The following SLC5A10 variants were observed in gnomAD, a reference collection of about 807,000 sequenced individuals.
SLC5A10 encodes the protein solute carrier family 5 member 10.
A neutral mutation model predicts 68.9 loss-of-function variants in SLC5A10; 55 were observed. The ratio of observed to expected loss-of-function variants is 0.80; its 90% CI spans 0.64 to 1.00. SLC5A10 has a LOEUF of 1.00. Among genes scored for constraint, SLC5A10 ranks in the 50% least tolerant of loss-of-function variants. SLC5A10 has a pLI of 0.00. For missense variants in SLC5A10, 732 were observed against 819.3 expected, an observed-to-expected ratio of 0.89 and a Z score of 1.30; for synonymous variants, 344 against 344.8, an observed-to-expected ratio of 1.00 and a Z score of 0.02.
At chr17:19,011,781 G>GGGTA (rs1183821703) in intron 9 of SLC5A10, among the ~76,000 whole-genome samples, 1 of 151,878 alleles carries the variant, frequency 6.6e-6, no homozygotes, top group Non-Finnish European at 1.5e-5. Flanking sequence ...AAGGGTGCCA[G>GGGTA]GGTAGGGGAC....
At chr17:18,997,667 T>C (rs761881792) in intron 9 of SLC5A10, among the ~76,000 whole-genome samples, 12 of 152,206 alleles carry the variant, frequency 7.9e-5, no homozygotes, top group Non-Finnish European at 1.8e-4. Context: ...CTGAGGCTTC[T>C]AGGCCACCTG....
chr17:18,979,336 C>T, intron 9 of SLC5A10: 1 of 636,450 alleles, frequency 1.6e-6, no homozygotes, highest in African/African-American at 1.8e-5. Context: ...AGGCCGGTGA[C>T]ATCTCCAAGC....
intron 5 of SLC5A10, among the ~76,000 whole-genome samples, chr17:18,963,088 A>G (rs1363335081): frequency 6.6e-6 from 1 of 152,200 alleles, no homozygotes; most frequent in African/African-American, 2.4e-5. Flanking sequence ...ATGTGGTGGC[A>G]TGCGCCTGTA....
chr17:19,015,244 G>T lies in SLC5A10; in HGVS notation c.1241+45G>T, dbSNP rs759964969. 3.1e-6 allele frequency: 4 copies of T among 1,279,240 alleles called. No homozygotes were observed. In the Admixed American group the frequency reaches 7.1e-5, roughly 23 times the overall value. The allele number at this position is 1,279,240 out of a possible 1,614,324, so 79.2% of individuals were successfully genotyped here. On this transcript the variant is annotated intron_variant, in intron 11 of 14. Coordinates refer to ENST00000395645, the MANE Select transcript of SLC5A10 (RefSeq NM_001042450.4). The stretch of plus-strand genomic sequence containing the variant: ...TACGGGGGTGGGGGAACACTACAAG[G>T]GTGGGCGCCCGCACTGACTTTGAGG...
chr17:18,956,051 G>A (rs78877563), intron 1 of SLC5A10, among the ~76,000 whole-genome samples: 8 of 152,180 alleles, frequency 5.3e-5, no homozygotes, highest in African/African-American at 1.2e-4. Flanking sequence ...AAAATTAGCC[G>A]GGCATGGTGG....
intron 1 of SLC5A10, among the ~76,000 whole-genome samples, 189 bp from the exon 2 acceptor site, chr17:18,958,493 C>T (rs936195531): frequency 2.0e-5 from 3 of 152,168 alleles, no homozygotes; most frequent in Non-Finnish European, 2.9e-5. Context: ...CTGCTATGAA[C>T]ATTCGTGTAC....
rs1292373913 is a variant in SLC5A10, at chr17:18,976,855, T to A, written c.848T>A (p.Val283Asp). The change falls in exon 9 of 15, where the codon GTC becomes GAC. Residue 283 changes from valine to aspartate, a missense_variant and splice_region_variant. Val to Asp is a radical substitution (Grantham distance 152, BLOSUM62 -3). Transcript: ENST00000395645. ...MATWYWCTDQ[V>D]IVQRSLSARD... Reference sequence around the variant, plus strand: ...CCCCGTCTCGCACTCCACCCCCAGGTCATCGTGCAGCGATCACTGTCAGCC... The same window carrying A: ...CCCCGTCTCGCACTCCACCCCCAGGACATCGTGCAGCGATCACTGTCAGCC... 6.2e-7 allele frequency: 1 copy of A among 1,613,178 alleles called. No individual in the cohort carries two copies. The highest frequency in any genetic ancestry group is 1.7e-5 in the Admixed American group (1 of 60,004).
intron 5 of SLC5A10, among the ~76,000 whole-genome samples, chr17:18,962,274 A>C (rs999422579): frequency 6.6e-6 from 1 of 152,014 alleles, no homozygotes; most frequent in African/African-American, 2.4e-5. Flanking sequence ...GTGGCATTTG[A>C]GTTGGGCTCT....
At chr17:18,967,639 C>CT (rs1339807864) in intron 5 of SLC5A10, among the ~76,000 whole-genome samples, 1 of 152,236 alleles carries the variant, frequency 6.6e-6, no homozygotes, top group Non-Finnish European at 1.5e-5. Flanking sequence ...AGGACAGAAG[C>CT]TTGCAGGCTG....
chr17:18,997,878 A>T (rs1249017917), intron 9 of SLC5A10, among the ~76,000 whole-genome samples: 1 of 152,228 alleles, frequency 6.6e-6, no homozygotes, highest in Non-Finnish European at 1.5e-5. Context: ...TGTTTTACAC[A>T]CCACACTTTT....
chr17:18,965,021 G>A (rs1160170786), intron 5 of SLC5A10, among the ~76,000 whole-genome samples: 1 of 151,642 alleles, frequency 6.6e-6, no homozygotes, highest in East Asian at 1.9e-4. Flanking sequence ...ACACACACCT[G>A]TAATCCCAGC....
chr17:19,019,858 C>A lies in SLC5A10; in HGVS notation c.1556C>A (p.Ala519Asp). The change falls in exon 13 of 15, where the codon GCC becomes GAC. Residue 519 changes from alanine to aspartate, a missense_variant. Transcript: ENST00000395645. Reference protein sequence around the residue: ...GSIHYLHFAVALFALSGAVVV... With the variant: ...GSIHYLHFAVDLFALSGAVVV... Reference sequence around the variant, plus strand: ...ATCCACTACCTGCACTTCGCTGTCGCCCTCTTTGCACTCAGTGGTGCTGTT... The same window carrying A: ...ATCCACTACCTGCACTTCGCTGTCGACCTCTTTGCACTCAGTGGTGCTGTT... 6.2e-7 allele frequency: 1 copy of A among 1,613,424 alleles called. No individual in the cohort carries two copies. The highest frequency in any genetic ancestry group is 8.5e-7 in the Non-Finnish European group (1 of 1,179,918).
chr17:18,979,565 C>A, intron 9 of SLC5A10: 1 of 1,613,402 alleles, frequency 6.2e-7, no homozygotes, highest in Non-Finnish European at 8.5e-7. Flanking sequence ...GAGCCGCACA[C>A]AGCCCGGTCT....
At position 19,002,855 on chromosome 17, in the gene SLC5A10, CT is replaced by C. The variant is rs577267485; in HGVS notation, c.983-10553del. 4.8e-3 allele frequency among the ~76,000 whole-genome samples: 733 copies of C among 152,284 alleles called. 4 individuals are homozygous for C. The highest frequency in any genetic ancestry group is 0.01 in the Middle Eastern group (3 of 294). ...GAGGGCCAGAGAAGGCTTGAGGTCC[CT>C]TCCGGTGGCAAAATTCAGGTGGACA... is the stretch of plus-strand genomic sequence containing the variant. On this transcript the variant is annotated intron_variant, in intron 9 of 14. Transcript: ENST00000395645.
chr17:19,003,785 G>A lies in SLC5A10; in HGVS notation c.983-9625G>A, dbSNP rs191819394. On this transcript the variant is annotated intron_variant, in intron 9 of 14. Coordinates refer to ENST00000395645, the MANE Select transcript of SLC5A10 (RefSeq NM_001042450.4). The surrounding 1 kb of genome is among the most constrained non-coding windows in gnomAD (Gnocchi z 4.5). The stretch of plus-strand genomic sequence containing the variant: ...CCCATTGTCCTCGGGCCCCTGAGAG[G>A]GGCCCGTGCCCCGAGGGTCCTCAGA... 1,682 of 1,611,704 alleles carry A rather than the reference G, an allele frequency of 1.0e-3. 31 individuals carry two copies. In the Admixed American group the frequency reaches 0.027, roughly 26 times the overall value.
chr17:18,977,610 G>C lies in SLC5A10; in HGVS notation c.982+621G>C, dbSNP rs375307645. On this transcript the variant is annotated intron_variant, in intron 9 of 14. Transcript: ENST00000395645. The stretch of plus-strand genomic sequence containing the variant: ...TGTGCCTCCTTGTCTGTGGAGCGCT[G>C]GGCCTGCATCCTCTTCAACGCATCT... The C allele has an allele frequency of 1.9e-6, 3 of 1,609,180 alleles. No individual in the cohort carries two copies. In the African/African-American group the frequency reaches 4.0e-5, roughly 21 times the overall value.
At position 19,017,270 on chromosome 17, in the gene SLC5A10, C is replaced by T. The variant is rs2044158923; in HGVS notation, c.1241+2071C>T. On this transcript the variant is annotated intron_variant, in intron 11 of 14. Transcript: ENST00000395645. The surrounding 1 kb of genome is among the most constrained non-coding windows in gnomAD (Gnocchi z 5.6). ...TGTCAGGCTGGCCAGCTCAACTTCC[C>T]GTCCCTCTTACAGCACTGGGATACC... The T allele has an allele frequency of 9.0e-6, 14 of 1,551,052 alleles. No homozygotes were observed. Among genetic ancestry groups the T allele is most frequent in the South Asian group, 4.8e-5 (4 of 84,048 alleles).
chr17:18,959,171 G>C lies in SLC5A10; in HGVS notation c.220G>C (p.Gly74Arg). The change falls in exon 3 of 15, where the codon GGC (glycine) becomes CGC (arginine). Residue 74 changes from glycine to arginine, a missense_variant. Gly to Arg is a moderately radical substitution (Grantham distance 125). Coordinates refer to ENST00000395645, the MANE Select transcript of SLC5A10 (RefSeq NM_001042450.4). Reference protein sequence around the residue: ...ASLFASSEGSGLFIGLAGSGA... With the variant: ...ASLFASSEGSRLFIGLAGSGA... ...CCTCTTCGCCAGCAGCGAGGGCTCT[G>C]GCCTCTTCATTGGACTGGCGGGCTC... The C allele has an allele frequency of 6.2e-7, 1 of 1,613,882 alleles. No individual in the cohort carries two copies. Among genetic ancestry groups the C allele is most frequent in the African/African-American group, 1.3e-5 (1 of 75,052 alleles).
intron 9 of SLC5A10, among the ~76,000 whole-genome samples, chr17:19,009,584 C>T (rs2043971573): frequency 6.6e-6 from 1 of 152,180 alleles, no homozygotes; most frequent in African/African-American, 2.4e-5. Flanking sequence ...ATGGCAGTGT[C>T]TGGACTGGCT....
Sources: allele counts gnomAD v4.1 joint callset (sites outside exome capture counted in the v4.1 genomes callset), GRCh38; gene constraint gnomAD v4.1.1; non-coding constraint Gnocchi (gnomAD v3.1); transcripts MANE v1.5; gene names NCBI Gene and HGNC (gene_info 2026-07-23, HGNC 2026-07-21).